Variants in PGR observed in about 807,000 individuals in gnomAD.
PGR encodes the protein progesterone receptor.
In PGR, 25 loss-of-function variants were observed where a neutral mutation model predicts 76.1. The ratio of observed to expected loss-of-function variants is 0.33; its 90% confidence interval spans 0.24 to 0.46. PGR has a LOEUF of 0.46. Among genes scored for constraint, PGR ranks in the 20% least tolerant of loss-of-function variants. The pLI is 1.00. For missense variants in PGR, 1,172 were observed against 1,225.3 expected, an observed-to-expected ratio of 0.96 and a Z score of 0.65; for synonymous variants, 579 against 535.0, an observed-to-expected ratio of 1.08 and a Z score of -1.14.
intron 2 of PGR, among the ~76,000 whole-genome samples, chr11:101,105,380 A>G (rs1862121021): frequency 6.6e-6 from 1 of 152,172 alleles, no homozygotes; most frequent in Non-Finnish European, 1.5e-5. Context: ...CCGAAGGGGA[A>G]TAAGAGTGGC....
rs150639307 is a variant in PGR, at chr11:101,111,130, C to A, written c.1789+14877G>T. On this transcript the variant is annotated intron_variant, in intron 2 of 7. Coordinates refer to ENST00000325455, the MANE Select transcript of PGR (RefSeq NM_000926.4). ...TTGTAGTTGTCTAGAACAGAACCTG[C>A]GATATCTCTAAGGTATGCCTATAAC... 2.3e-3 allele frequency among the ~76,000 whole-genome samples: 350 copies of A among 152,234 alleles called. 5 individuals are homozygous for A. The highest frequency in any genetic ancestry group is 9.3e-3 in the South Asian group (45 of 4,824).
chr11:101,056,503 C>T (rs1477876736), intron 4 of PGR, among the ~76,000 whole-genome samples: 3 of 151,780 alleles, frequency 2.0e-5, no homozygotes, highest in African/African-American at 7.3e-5. Context: ...GTGGTGCACA[C>T]CTGTAGTGCT....
chr11:101,060,242 G>A (rs1015658202), intron 4 of PGR, among the ~76,000 whole-genome samples: 1 of 152,042 alleles, frequency 6.6e-6, no homozygotes, highest in Non-Finnish European at 1.5e-5. Context: ...TTGACATTCT[G>A]GCTAATTAGT....
rs754160949 is a variant in PGR at position 101,128,144 on chromosome 11, C to A, written c.927G>T (p.Leu309=). The A allele has an allele frequency of 3.8e-6, 6 of 1,598,272 alleles. No individual in the cohort carries two copies. Among genetic ancestry groups the A allele is most frequent in the Non-Finnish European group, 4.2e-6 (5 of 1,179,762 alleles). Residue 309 remains leucine, a synonymous_variant, in exon 1 of 8, where the codon CTG becomes CTT. Transcript: ENST00000325455. ...CTGCCAATAAGGCGTGATTGAGAGG[C>A]AGGATAGGCACGTGGATGAAATCCA... ...TVMDFIHVPI[L]PLNHALLAAR...
chr11:101,128,068 C>A lies in PGR; in HGVS notation c.1003G>T (p.Ala335Ser). The change falls in exon 1 of 8, where the codon GCT becomes TCT. Residue 335 changes from alanine (A) to serine (S), a missense_variant. Ala to Ser is a moderately conservative substitution (Grantham distance 99). Around this residue, in one of 4 missense-constraint regions of PGR, gnomAD observed 893 missense variants for 785.9 expected, o/e 1.14. Transcript: ENST00000325455. ...EDESYDGGAG[A>S]ASAFAPPRSS... Reference sequence around the variant, plus strand: ...CGCGGCGGGGCAAAGGCGCTGGCAGCCCCGGCCCCGCCGTCGTAACTTTCG... The same window carrying A: ...CGCGGCGGGGCAAAGGCGCTGGCAGACCCGGCCCCGCCGTCGTAACTTTCG... 1 of 1,600,942 alleles carries A rather than the reference C, an allele frequency of 6.2e-7. No individual in the cohort carries two copies.
intron 3 of PGR, among the ~76,000 whole-genome samples, chr11:101,085,360 G>A (rs1479047635): frequency 3.8e-5 from 4 of 105,192 alleles, no homozygotes; most frequent in Non-Finnish European, 4.3e-5. Context: ...TAAAATCAAG[G>A]CAGAAATAAA....
In PGR at chr11:101,129,299, C is replaced by A; in HGVS notation, c.-229G>T. 2.0e-6 allele frequency: 1 copy of A among 499,572 alleles called. No individual in the cohort carries two copies. The highest frequency in any genetic ancestry group is 3.5e-6 in the Non-Finnish European group (1 of 284,070). 30.9% of individuals were successfully genotyped at this position (499,572 alleles called of 1,614,324 possible). ...AGGGGAACTGTGGCTGTCGTTTGTC[C>A]CAGCGAGCGGCAAGTGGGGAGCGCA... On this transcript the variant is annotated 5_prime_UTR_variant, in exon 1 of 8. Coordinates refer to ENST00000325455, the MANE Select transcript of PGR (RefSeq NM_000926.4).
In PGR at chr11:101,098,849, T is replaced by C. The variant is rs775483998; in HGVS notation, c.1790-6973A>G. Among the ~76,000 whole-genome samples the C allele has an allele frequency of 5.3e-5, 8 of 152,304 alleles. No individual in the cohort carries two copies. The East Asian group carries it at 7.7e-4, about 15-fold the overall frequency. On this transcript the variant is annotated intron_variant, in intron 2 of 7. Coordinates refer to ENST00000325455, the MANE Select transcript of PGR (RefSeq NM_000926.4). ...CAATGAAAACAGGGCTAGAAAACAC[T>C]ACACAGAAAATGCCAGGCAGCCAGG... is the stretch of plus-strand genomic sequence containing the variant.
chr11:101,071,010 CCT>C (rs971576631), intron 3 of PGR, among the ~76,000 whole-genome samples: 38 of 152,174 alleles, frequency 2.5e-4, no homozygotes, highest in African/African-American at 8.9e-4. Context: ...GTCCCTGACC[CCT>C]GTGCCTCCTG....
At chr11:101,073,044 C>T (rs1158482660) in intron 3 of PGR, among the ~76,000 whole-genome samples, 1 of 152,188 alleles carries the variant, frequency 6.6e-6, no homozygotes, top group African/African-American at 2.4e-5. Context: ...CCACATTGCA[C>T]TTATTCTAAA....
intron 3 of PGR, among the ~76,000 whole-genome samples, chr11:101,076,019 G>A (rs12362134): frequency 0.046 from 6,969 of 152,202 alleles, 207 homozygotes; most frequent in South Asian, 0.088. Context: ...ACATGCACAC[G>A]TATGTTTACT....
intron 2 of PGR, among the ~76,000 whole-genome samples, chr11:101,111,085 T>C (rs1272065723): frequency 6.6e-6 from 1 of 152,244 alleles, no homozygotes; most frequent in Non-Finnish European, 1.5e-5. Context: ...GTGACTTGCT[T>C]TATTGCAATA....
rs759704354 is a variant in PGR at position 101,128,957 on chromosome 11, C to T, written c.114G>A (p.Gly38=). Residue 38 remains glycine (G), a synonymous_variant, in exon 1 of 8, where the codon GGG becomes GGA. Coordinates refer to ENST00000325455, the MANE Select transcript of PGR (RefSeq NM_000926.4). ...CAGGCAAGGTGTCCGAGGTCTGGCT[C>T]CCCGGGAACGGACCTGCGGCTGGGC... ...LCRPAAGPFP[G]SQTSDTLPEV... is the part of the protein sequence containing the mutation. 1.2e-6 allele frequency: 2 copies of T among 1,607,778 alleles called. No individual in the cohort carries two copies. Among genetic ancestry groups the T allele is most frequent in the Admixed American group, 1.7e-5 (1 of 59,816 alleles).
At chr11:101,126,485 A>G (rs145621834) in intron 1 of PGR, among the ~76,000 whole-genome samples, 19 of 152,362 alleles carry the variant, frequency 1.2e-4, no homozygotes, top group African/African-American at 4.6e-4. Context: ...GTCTTTGACA[A>G]ATGAAATGTT....
intron 3 of PGR, among the ~76,000 whole-genome samples, chr11:101,070,255 G>A (rs1217278900): frequency 1.3e-5 from 2 of 152,120 alleles, no homozygotes; most frequent in African/African-American, 2.4e-5. Flanking sequence ...AAGGGAAGCC[G>A]TGAGTGACTG....
At chr11:101,053,505 C>CTCCCTCCCCTTCTCCCTTTCT (rs1860168466) in intron 4 of PGR, among the ~76,000 whole-genome samples, 1 of 139,516 alleles carries the variant, frequency 7.2e-6, no homozygotes, top group African/African-American at 3.0e-5. Flanking sequence ...CCCACCTTTC[C>CTCCCTCCCCTTCTCCCTTTCT]TCCCTCCCCT....
At position 101,129,106 on chromosome 11, in the gene PGR, C is replaced by T; in HGVS notation, c.-36G>A. 1 of 1,268,864 alleles carries T rather than the reference C, an allele frequency of 7.9e-7. No individual in the cohort carries two copies. The highest frequency in any genetic ancestry group is 1.0e-6 in the Non-Finnish European group (1 of 997,448). 78.6% of individuals were successfully genotyped at this position (1,268,864 alleles called of 1,614,324 possible). A position where few individuals can be genotyped will look rare whatever the true frequency, so the allele number is the denominator to read the frequency against. ...CTCCCCTTTTCTCCTCCCCCGTCTCCAGGAGGAGGGAAAAGGGAAGGAGGA... is the reference window on the plus strand; with the variant it reads ...CTCCCCTTTTCTCCTCCCCCGTCTCTAGGAGGAGGGAAAAGGGAAGGAGGA... On this transcript the variant is annotated 5_prime_UTR_variant, in exon 1 of 8. Coordinates refer to ENST00000325455, the MANE Select transcript of PGR (RefSeq NM_000926.4).
chr11:101,069,330 G>A (rs1224619612), intron 3 of PGR, among the ~76,000 whole-genome samples: 2 of 152,174 alleles, frequency 1.3e-5, no homozygotes, highest in Admixed American at 6.5e-5. Context: ...ACACCAGTTA[G>A]AATGGCGATC....
At chr11:101,079,089 C>T (rs563887850) in intron 3 of PGR, among the ~76,000 whole-genome samples, 1 of 152,130 alleles carries the variant, frequency 6.6e-6, no homozygotes, top group Non-Finnish European at 1.5e-5. Flanking sequence ...ATGCAGAAAA[C>T]AGAACTAGAT....
Sources: gnomAD v4.1 joint callset for allele counts (sites outside exome capture counted in the v4.1 genomes callset) on GRCh38, gnomAD v4.1.1 for gene constraint, gnomAD v4.1.1 regional missense constraint, MANE v1.5 for transcripts, NCBI Gene and HGNC (gene_info 2026-07-23, HGNC 2026-07-21) for gene names.